DICER1: variants seen among roughly 807,000 people sequenced by gnomAD.
DICER1 encodes endoribonuclease Dicer.
In DICER1, 43 loss-of-function variants were observed where a neutral mutation model predicts 194.1. The observed-to-expected ratio is 0.22, with a 90% CI of 0.17 to 0.29. The LOEUF (loss-of-function observed/expected upper bound fraction) is 0.29, where lower values mean the gene tolerates loss of function less well. Among genes scored for constraint, DICER1 ranks in the 10% least tolerant of loss-of-function variants. DICER1 has a pLI of 1.00. For missense variants in DICER1, 1,608 were observed against 2,317.0 expected (o/e 0.69, Z 6.28); for synonymous variants, 832 against 820.5 (o/e 1.01, Z -0.24).
At chr14:95,138,043 C>G (rs1016239375) in intron 1 of DICER1, 1 of 154,542 alleles carries the variant, frequency 6.5e-6, no homozygotes, top group Non-Finnish European at 1.5e-5. Flanking sequence ...CCCTAGACCT[C>G]CAATGTTTCT....
rs138534139 is a variant in DICER1, at chr14:95,140,136, C to T, written c.-45-6633G>A. ...CTTTTGCAGAGCCAAAATAACTCCA[C>T]ATGACTGTTTTTCAACTATAGATTT... On this transcript the variant is annotated intron_variant, in intron 1 of 26. Coordinates refer to ENST00000343455, the MANE Select transcript of DICER1 (RefSeq NM_177438.3). Among the ~76,000 whole-genome samples, 383 of 152,296 alleles carry T rather than the reference C, an allele frequency of 2.5e-3. 3 individuals carry two copies. The highest frequency in any genetic ancestry group is 8.8e-3 in the African/African-American group (366 of 41,568).
Position 95,105,305 on chromosome 14 carries a change from A to G in DICER1, c.3094-59T>C. The G allele has an allele frequency of 6.8e-7, 1 of 1,462,046 alleles. No homozygotes were observed. 90.6% of individuals were successfully genotyped at this position (1,462,046 alleles called of 1,614,324 possible). On this transcript the variant is annotated intron_variant, in intron 19 of 26. Coordinates refer to ENST00000343455, the MANE Select transcript of DICER1 (RefSeq NM_177438.3). This position sits in a 1 kb window ranked among gnomAD's most constrained non-coding sequence, Gnocchi z 4.9. ...CAAAGCGCACACACAAAAGAAAAAAAAAAAGACCAATTTCACTAATGGATA... is the reference window on the plus strand; with the variant it reads ...CAAAGCGCACACACAAAAGAAAAAAGAAAAGACCAATTTCACTAATGGATA...
intron 1 of DICER1, among the ~76,000 whole-genome samples, chr14:95,151,252 A>G (rs1895493947): frequency 6.6e-6 from 1 of 152,222 alleles, no homozygotes; most frequent in Non-Finnish European, 1.5e-5. Context: ...CTGAACCAGT[A>G]TAGATAATCC....
intron 1 of DICER1, among the ~76,000 whole-genome samples, chr14:95,135,454 C>T (rs1397941401): frequency 1.3e-5 from 2 of 152,230 alleles, no homozygotes; most frequent in African/African-American, 4.8e-5. Flanking sequence ...CTCCCTACAA[C>T]TGTCACCATT....
Position 95,107,877 on chromosome 14 carries a change from T to C in DICER1, c.2650+3A>G. On this transcript the variant is annotated splice_donor_region_variant and intron_variant, in intron 16 of 26. Coordinates refer to ENST00000343455, the MANE Select transcript of DICER1 (RefSeq NM_177438.3). ...TTATCAAAGTAAGAGATTTTTTTCT[T>C]ACCAACATTAAGAGGTAGAACACAG... 6.2e-7 allele frequency: 1 copy of C among 1,613,236 alleles called. No individual in the cohort carries two copies. Among genetic ancestry groups the C allele is most frequent in the Non-Finnish European group, 8.5e-7 (1 of 1,179,218 alleles).
Position 95,105,177 on chromosome 14 carries a change from G to A in DICER1, c.3163C>T (p.Pro1055Ser), listed in dbSNP as rs2139987483. The part of the protein sequence containing the change: ...ASLWRKAVCL[P>S]SILYRLHCLL... ...CAGTGAAGGCGATAAAGTATGCTGG[G>A]GAGACAAACAGCTTTTCTCCACAGT... The change falls in exon 20 of 27, where the codon CCC becomes TCC. Residue 1055 changes from proline (P) to serine (S), a missense_variant. By Grantham distance (74) the Pro-to-Ser change is moderately conservative (BLOSUM62 -1). Around this residue, in one of 10 missense-constraint regions of DICER1, gnomAD observed 79 missense variants for 176.1 expected, o/e 0.45. Transcript: ENST00000343455. The surrounding 1 kb of genome is among the most constrained non-coding windows in gnomAD (Gnocchi z 4.9). 1 of 1,614,050 alleles carries A rather than the reference G, an allele frequency of 6.2e-7. No individual in the cohort carries two copies. Among genetic ancestry groups the A allele is most frequent in the Non-Finnish European group, 8.5e-7 (1 of 1,179,998 alleles).
chr14:95,095,660 T>C (rs1890237560), intron 23 of DICER1, 165 bp downstream of exon 23: 2 of 817,150 alleles, frequency 2.4e-6, no homozygotes, highest in Non-Finnish European at 4.0e-6. Flanking sequence ...GCTCCCCAAA[T>C]AACAAGGAAA....
At position 95,155,425 on chromosome 14, in the gene DICER1, T is replaced by C. The variant is rs112438149; in HGVS notation, c.-46+1805A>G. ...CATAAAAGTCACCCTCTCTAGAAGA[T>C]AGCACTACAAGTACTGTACAACCCA... On this transcript the variant is annotated intron_variant, in intron 1 of 26. Transcript: ENST00000343455. 6.5e-3 allele frequency among the ~76,000 whole-genome samples: 996 copies of C among 152,292 alleles called. 8 individuals carry two copies. Among genetic ancestry groups the C allele is most frequent in the African/African-American group, 0.023 (957 of 41,560 alleles).
chr14:95,117,010 T>A (rs755971016), intron 9 of DICER1, among the ~76,000 whole-genome samples: 1 of 152,186 alleles, frequency 6.6e-6, no homozygotes, highest in Non-Finnish European at 1.5e-5. Context: ...ATCAAAAAGC[T>A]ACAATGTAGA....
chr14:95,151,599 T>C (rs1340512217), intron 1 of DICER1, among the ~76,000 whole-genome samples: 2 of 152,198 alleles, frequency 1.3e-5, no homozygotes, highest in Non-Finnish European at 2.9e-5. Flanking sequence ...TCATCGGCTA[T>C]AAAGTCGAAG....
chr14:95,104,777 G>T (rs536340195), intron 20 of DICER1, among the ~76,000 whole-genome samples: 1 of 152,230 alleles, frequency 6.6e-6, no homozygotes, highest in African/African-American at 2.4e-5. Flanking sequence ...ACATGCTAAG[G>T]CTATTGCTTT....
chr14:95,135,035 T>C (rs1238819728), intron 1 of DICER1, among the ~76,000 whole-genome samples: 4 of 152,172 alleles, frequency 2.6e-5, no homozygotes, highest in Non-Finnish European at 5.9e-5. Context: ...AGTTAAACTT[T>C]TTTCTTAATA....
Position 95,105,806 on chromosome 14 carries a change from T to C in DICER1, c.2988-23A>G. On this transcript the variant is annotated intron_variant, in intron 18 of 26. Coordinates refer to ENST00000343455, the MANE Select transcript of DICER1 (RefSeq NM_177438.3). This position sits in a 1 kb window ranked among gnomAD's most constrained non-coding sequence, Gnocchi z 4.9. The stretch of plus-strand genomic sequence containing the variant: ...AGTCTGTAAGAATTCCAAAACAATT[T>C]TATCAAACACACAAAAATGAGTACA... 6.3e-7 allele frequency: 1 copy of C among 1,593,092 alleles called. No homozygotes were observed. The highest frequency in any genetic ancestry group is 8.6e-7 in the Non-Finnish European group (1 of 1,161,070).
chr14:95,122,944 G>A (rs576430691), intron 8 of DICER1, among the ~76,000 whole-genome samples: 25 of 108,616 alleles, frequency 2.3e-4, no homozygotes, highest in South Asian at 1.5e-3. Flanking sequence ...ACGCGCGCGC[G>A]CGCGCACACA....
intron 1 of DICER1, among the ~76,000 whole-genome samples, chr14:95,154,357 AT>A (rs1454806143): frequency 6.6e-6 from 1 of 152,218 alleles, no homozygotes; most frequent in Non-Finnish European, 1.5e-5. Context: ...TTTGAGGTAT[AT>A]GTCTAAAAGA....
chr14:95,147,167 T>C (rs187711261), intron 1 of DICER1, among the ~76,000 whole-genome samples: 4 of 152,350 alleles, frequency 2.6e-5, no homozygotes, highest in African/African-American at 4.8e-5. Context: ...GTTTTAGGTA[T>C]TGAAAACATC....
chr14:95,137,136 A>C (rs1011653592), intron 1 of DICER1, among the ~76,000 whole-genome samples: 2 of 151,390 alleles, frequency 1.3e-5, no homozygotes, highest in African/African-American at 4.9e-5. Context: ...GAAAGGGGAA[A>C]AGGAAAGAAA....
chr14:95,146,837 G>A (rs1472063027), intron 1 of DICER1, among the ~76,000 whole-genome samples: 2 of 152,076 alleles, frequency 1.3e-5, no homozygotes, highest in Admixed American at 6.6e-5. Flanking sequence ...AAATGAAAAA[G>A]TAGAACACTT....
chr14:95,113,297 ATT>A, intron 11 of DICER1, 73 bp from the exon 12 acceptor site: 1 of 1,448,246 alleles, frequency 6.9e-7, no homozygotes, highest in Non-Finnish European at 9.7e-7. Context: ...CTCGAGTTTG[ATT>A]TGTCATGTGC....
Sources: gnomAD v4.1 joint callset for allele counts (sites outside exome capture counted in the v4.1 genomes callset) on GRCh38, gnomAD v4.1.1 for gene constraint, gnomAD v4.1.1 regional missense constraint, Gnocchi (gnomAD v3.1) non-coding constraint, MANE v1.5 for transcripts, NCBI Gene and HGNC (gene_info 2026-07-23, HGNC 2026-07-21) for gene names.